Variants in SLC12A5 observed in about 807,000 individuals in gnomAD.
The protein encoded by SLC12A5 is solute carrier family 12 member 5, also known as K-Cl cotransporter 2.
A neutral mutation model predicts 124.0 loss-of-function variants in SLC12A5; 18 were observed. That is an observed-to-expected ratio of 0.15 (90% confidence interval 0.10 to 0.22). The LOEUF (loss-of-function observed/expected upper bound fraction) is 0.22. Ranked by LOEUF, SLC12A5 falls within the 10% of genes least tolerant of loss-of-function variation. SLC12A5 has a pLI of 1.00. For synonymous variants in SLC12A5, 589 were observed against 568.0 expected (o/e 1.04, Z -0.53); for missense variants, 867 against 1,478.7 (o/e 0.59, Z 6.78).
chr20:46,055,144 C>G (rs761759970), intron 21 of SLC12A5, 121 bp downstream of exon 21: 142 of 698,366 alleles, frequency 2.0e-4, no homozygotes, highest in Non-Finnish European at 3.1e-4. Flanking sequence ...CTCCCTGATT[C>G]CCCCAACCAC....
chr20:46,058,422 G>C lies in SLC12A5; in HGVS notation c.*817G>C. ...CCTTTTCCGAGATGAGGTGAGACAA[G>C]GGTCCAACTTTTCCTGGATTCGCCT... On this transcript the variant is annotated 3_prime_UTR_variant, in exon 26 of 26. Transcript: ENST00000243964. This position sits in a 1 kb window ranked among gnomAD's most constrained non-coding sequence, Gnocchi z 5.8. The C allele has an allele frequency of 5.0e-6, 2 of 398,980 alleles. No homozygotes were observed. The highest frequency in any genetic ancestry group is 8.8e-6 in the Non-Finnish European group (2 of 226,096). 24.7% of individuals were successfully genotyped at this position (398,980 alleles called of 1,614,324 possible).
At chr20:46,039,724 A>C (rs2084529064) in intron 6 of SLC12A5, among the ~76,000 whole-genome samples, 1 of 152,078 alleles carries the variant, frequency 6.6e-6, no homozygotes, top group African/African-American at 2.4e-5. Flanking sequence ...GCAGTGAGCC[A>C]AGATCGTGCC....
chr20:46,049,248 A>T (rs1052212531), intron 16 of SLC12A5, among the ~76,000 whole-genome samples: 5 of 152,374 alleles, frequency 3.3e-5, no homozygotes, highest in African/African-American at 1.2e-4. Context: ...ATGCATAAAT[A>T]GATGGGTAGA....
At chr20:46,037,597 A>G (rs1009405306) in intron 6 of SLC12A5, among the ~76,000 whole-genome samples, 5 of 152,210 alleles carry the variant, frequency 3.3e-5, no homozygotes, top group Non-Finnish European at 4.4e-5. Flanking sequence ...GCTGTCGTTT[A>G]TCAGGCCCCC....
upstream of SLC12A5, among the ~76,000 whole-genome samples, chr20:46,027,360 C>G (rs896719074): frequency 2.0e-5 from 3 of 152,162 alleles, no homozygotes; most frequent in Admixed American, 6.5e-5. Context: ...ACTTTTGAGT[C>G]AGCTGCTGAA....
rs2084707011 is a variant in SLC12A5, at chr20:46,057,459, C to G, written c.3260-55C>G. The G allele has an allele frequency of 6.2e-7, 1 of 1,607,974 alleles. No individual in the cohort carries two copies. The highest frequency in any genetic ancestry group is 8.5e-7 in the Non-Finnish European group (1 of 1,174,572). On this transcript the variant is annotated intron_variant, in intron 25 of 25. Coordinates refer to ENST00000243964, the MANE Select transcript of SLC12A5 (RefSeq NM_020708.5). The surrounding 1 kb of genome is among the most constrained non-coding windows in gnomAD (Gnocchi z 7.1). ...AGGTCCCCTGGCAGCCGAGCGCGAC[C>G]CCAATTTCGTCGGGAGGGAAGGAGA...
chr20:46,057,313 A>T lies in SLC12A5; in HGVS notation c.3259+10A>T. Reference sequence around the variant, plus strand: ...AATGGTGATGAAAACTGTATCCTGGAATTAAAATTGGGGGAAAGAGGGAGG... The same window carrying T: ...AATGGTGATGAAAACTGTATCCTGGTATTAAAATTGGGGGAAAGAGGGAGG... On this transcript the variant is annotated intron_variant, in intron 25 of 25. Coordinates refer to ENST00000243964, the MANE Select transcript of SLC12A5 (RefSeq NM_020708.5). The surrounding 1 kb of genome is among the most constrained non-coding windows in gnomAD (Gnocchi z 7.1). The T allele has an allele frequency of 6.2e-7, 1 of 1,613,808 alleles. No homozygotes were observed. The highest frequency in any genetic ancestry group is 1.3e-5 in the African/African-American group (1 of 75,032).
intron 20 of SLC12A5, among the ~76,000 whole-genome samples, chr20:46,054,337 G>A (rs35439936): frequency 2.2e-4 from 34 of 152,302 alleles, no homozygotes; most frequent in Middle Eastern, 6.8e-3. Context: ...ACATACAATG[G>A]TGTTATTTGG....
At chr20:46,032,277 T>G (rs530881093) in intron 1 of SLC12A5, among the ~76,000 whole-genome samples, 42 of 152,186 alleles carry the variant, frequency 2.8e-4, no homozygotes, top group Non-Finnish European at 5.3e-4. Context: ...TCCTGTCCCC[T>G]GAGCGCCACC....
chr20:46,029,101 T>C (rs2084421999), upstream of SLC12A5: 1 of 1,320,540 alleles, frequency 7.6e-7, no homozygotes, highest in Admixed American at 3.8e-5. Flanking sequence ...ACCCCGCCAG[T>C]GGCTCACGCC....
intron 6 of SLC12A5, 61 bp from the exon 7 acceptor site, chr20:46,040,312 C>T (rs1459941104): frequency 1.3e-6 from 2 of 1,595,388 alleles, no homozygotes; most frequent in Non-Finnish European, 8.5e-7. Flanking sequence ...TCCTAAAGCG[C>T]TGCATGTAGT....
chr20:46,023,821 G>T (rs1464384848), downstream of SLC12A5, among the ~76,000 whole-genome samples: 1 of 152,154 alleles, frequency 6.6e-6, no homozygotes, highest in African/African-American at 2.4e-5. Context: ...CAAGGACAGG[G>T]ACCATCTCCT....
Position 46,056,330 on chromosome 20 carries a change from AG to A in SLC12A5, c.2911-33del, listed in dbSNP as rs763115990. 5.9e-5 allele frequency: 95 copies of A among 1,610,232 alleles called. No individual in the cohort carries two copies. Among genetic ancestry groups the A allele is most frequent in the Non-Finnish European group, 8.0e-5 (94 of 1,177,630 alleles). On this transcript the variant is annotated intron_variant, in intron 22 of 25. Transcript: ENST00000243964. The surrounding 1 kb of genome is among the most constrained non-coding windows in gnomAD (Gnocchi z 4.3). ...TGGGAGCAGAGCCCTTGGCCTCCAA[AG>A]GACTCAACTGCCATCGCTTCATTCA...
chr20:46,055,892 C>A lies in SLC12A5; in HGVS notation c.2788-258C>A, dbSNP rs555080888. On this transcript the variant is annotated intron_variant, in intron 21 of 25. Coordinates refer to ENST00000243964, the MANE Select transcript of SLC12A5 (RefSeq NM_020708.5). ...CAGTGGACTGAGGACTGACATTGGACCATAGTGCTAGGCAGAGCCTTGCTG... is the reference window on the plus strand; with the variant it reads ...CAGTGGACTGAGGACTGACATTGGAACATAGTGCTAGGCAGAGCCTTGCTG... 1.2e-4 allele frequency: 57 copies of A among 482,212 alleles called. No homozygotes were observed. In the East Asian group the frequency reaches 2.0e-3, roughly 17 times the overall value. 29.9% of individuals were successfully genotyped at this position (482,212 alleles called of 1,614,324 possible). A position where few individuals can be genotyped will look rare whatever the true frequency, so the allele number is the denominator to read the frequency against.
In SLC12A5 at chr20:46,058,706, C is replaced by T. The variant is rs1178785497; in HGVS notation, c.*1101C>T. On this transcript the variant is annotated 3_prime_UTR_variant, in exon 26 of 26. Coordinates refer to ENST00000243964, the MANE Select transcript of SLC12A5 (RefSeq NM_020708.5). The surrounding 1 kb of genome is among the most constrained non-coding windows in gnomAD (Gnocchi z 5.8). The stretch of plus-strand genomic sequence containing the variant: ...TGAAATTGTGGAGCTGGAGGGCGCC[C>T]CCTCCCCGGAGTTTCCTCCCTGGGA... The T allele has an allele frequency of 5.0e-6, 2 of 398,956 alleles. No homozygotes were observed. The highest frequency in any genetic ancestry group is 8.8e-6 in the Non-Finnish European group (2 of 226,128). The allele number at this position is 398,956 out of a possible 1,614,324, so 24.7% of individuals were successfully genotyped here. A position where few individuals can be genotyped will look rare whatever the true frequency, so the allele number is the denominator to read the frequency against.
upstream of SLC12A5, among the ~76,000 whole-genome samples, chr20:46,026,297 G>A (rs187114924): frequency 4.8e-4 from 73 of 152,268 alleles, no homozygotes; most frequent in African/African-American, 1.7e-3. Flanking sequence ...CCCTAGCCCT[G>A]CATCTTGTGC....
chr20:46,026,778 A>T (rs57489591), upstream of SLC12A5, among the ~76,000 whole-genome samples: 4,425 of 152,298 alleles, frequency 0.029, 175 homozygotes, highest in Admixed American at 0.12. Flanking sequence ...AGGATATGAC[A>T]GAACCACTAT....
intron 1 of SLC12A5, among the ~76,000 whole-genome samples, chr20:46,033,343 G>A (rs991880082): frequency 6.6e-6 from 1 of 152,164 alleles, no homozygotes; most frequent in Non-Finnish European, 1.5e-5. Flanking sequence ...TGTCCAGAGA[G>A]ATGTCAACTG....
intron 8 of SLC12A5, 119 bp downstream of exon 8, chr20:46,041,659 C>T (rs2084549045): frequency 8.8e-6 from 9 of 1,023,776 alleles, no homozygotes; most frequent in Non-Finnish European, 1.0e-5. Flanking sequence ...TAATTGAGCA[C>T]CTACTCTGAG....
Sources: allele counts gnomAD v4.1 joint callset (sites outside exome capture counted in the v4.1 genomes callset), GRCh38; gene constraint gnomAD v4.1.1; non-coding constraint Gnocchi (gnomAD v3.1); transcripts MANE v1.5; gene names NCBI Gene and HGNC (gene_info 2026-07-23, HGNC 2026-07-21).